The following FOXJ2 variants were observed in gnomAD, a reference collection of about 807,000 sequenced individuals.
FOXJ2 encodes the protein forkhead box protein J2.
A neutral mutation model predicts 68.4 loss-of-function variants in FOXJ2; 18 were observed. The ratio of observed to expected loss-of-function variants is 0.26; its 90% confidence interval spans 0.18 to 0.39. The LOEUF is 0.39. Ranked by LOEUF, FOXJ2 falls within the 10% of genes least tolerant of loss-of-function variation. The pLI is 1.00. For missense variants in FOXJ2, 670 were observed against 726.5 expected, an observed-to-expected ratio of 0.92 and a Z score of 0.89; for synonymous variants, 274 against 263.2, an observed-to-expected ratio of 1.04 and a Z score of -0.40.
chr12:8,033,370 G>A lies in FOXJ2; in HGVS notation c.-478G>A, dbSNP rs917685140. The A allele has an allele frequency of 6.5e-6, 1 of 153,316 alleles. No homozygotes were observed. Among genetic ancestry groups the A allele is most frequent in the Non-Finnish European group, 1.5e-5 (1 of 68,576 alleles). 9.5% of individuals were successfully genotyped at this position (153,316 alleles called of 1,614,324 possible). On this transcript the variant is annotated 5_prime_UTR_variant, in exon 1 of 11. Transcript: ENST00000162391. ...CCACTCCAGGGAAAGAAGAGGAATCGGCTTTCAGCCTTCTGGAGAGGGGAA... is the reference window on the plus strand; with the variant it reads ...CCACTCCAGGGAAAGAAGAGGAATCAGCTTTCAGCCTTCTGGAGAGGGGAA...
rs150014429 is a variant in FOXJ2, at chr12:8,048,192, C to A, written c.1128C>A (p.His376Gln). ...CCCCGCTGCAGCATGGAGGCTACCA[C>A]CCTCATCAGCACCATCCCCACTCCC... is the stretch of plus-strand genomic sequence containing the variant. ...HPPPLQHGGY[H>Q]PHQHHPHSHP... Residue 376 changes from histidine to glutamine, a missense_variant, in exon 7 of 11, where the codon CAC becomes CAA. This residue lies in a region of FOXJ2 where 555 missense variants were observed against 562.2 expected (regional missense o/e 0.99). Coordinates refer to ENST00000162391, the MANE Select transcript of FOXJ2 (RefSeq NM_018416.3). The A allele has an allele frequency of 1.2e-6, 2 of 1,613,588 alleles. No individual in the cohort carries two copies. The highest frequency in any genetic ancestry group is 1.3e-5 in the African/African-American group (1 of 74,938).
intron 10 of FOXJ2, among the ~76,000 whole-genome samples, chr12:8,051,192 C>T (rs900704988): frequency 2.7e-5 from 4 of 145,560 alleles, no homozygotes; most frequent in Non-Finnish European, 4.5e-5. Context: ...TACAGTGGTG[C>T]GATCTCAGCT....
intron 10 of FOXJ2, among the ~76,000 whole-genome samples, chr12:8,051,723 A>G (rs951329267): frequency 6.6e-6 from 1 of 152,176 alleles, no homozygotes; most frequent in African/African-American, 2.4e-5. Flanking sequence ...GGTCCTTCAC[A>G]TTTAGACACA....
chr12:8,035,790 A>G lies in FOXJ2; in HGVS notation c.-15+1957A>G, dbSNP rs1946887375. Among the ~76,000 whole-genome samples, 1 of 152,120 alleles carries G rather than the reference A, an allele frequency of 6.6e-6. No individual in the cohort carries two copies. Among genetic ancestry groups the G allele is most frequent in the African/African-American group, 2.4e-5 (1 of 41,410 alleles). Reference sequence around the variant, plus strand: ...TTTAGAGAGTGTGCTTTCCCAGACCATGTCTTATGACTACACCTAGTTCCC... The same window carrying G: ...TTTAGAGAGTGTGCTTTCCCAGACCGTGTCTTATGACTACACCTAGTTCCC... On this transcript the variant is annotated intron_variant, in intron 1 of 10. Coordinates refer to ENST00000162391, the MANE Select transcript of FOXJ2 (RefSeq NM_018416.3). This position sits in a 1 kb window ranked among gnomAD's most constrained non-coding sequence, Gnocchi z 4.0.
At position 8,039,311 on chromosome 12, in the gene FOXJ2, T is replaced by A. The variant is rs144186603; in HGVS notation, c.-14-508T>A. Among the ~76,000 whole-genome samples the A allele has an allele frequency of 1.6e-4, 24 of 152,282 alleles. No individual in the cohort carries two copies. In the East Asian group the frequency reaches 4.4e-3, roughly 28 times the overall value. On this transcript the variant is annotated intron_variant, in intron 1 of 10. Coordinates refer to ENST00000162391, the MANE Select transcript of FOXJ2 (RefSeq NM_018416.3). Reference sequence around the variant, plus strand: ...TAATGCATCTAGTAGGAAACATCTTTAGACGTGTTGGTGTGTGCTTCATCC... The same window carrying A: ...TAATGCATCTAGTAGGAAACATCTTAAGACGTGTTGGTGTGTGCTTCATCC...
At chr12:8,047,235 C>T (rs966899596) in intron 6 of FOXJ2, among the ~76,000 whole-genome samples, 1 of 152,074 alleles carries the variant, frequency 6.6e-6, no homozygotes, top group Non-Finnish European at 1.5e-5. Context: ...GGCGGATCAC[C>T]TGAAGTCAGG....
chr12:8,049,260 T>G, intron 8 of FOXJ2, 102 bp from the exon 9 acceptor site: 1 of 830,172 alleles, frequency 1.2e-6, no homozygotes, highest in Non-Finnish European at 2.0e-6. Context: ...CCGTTATCAG[T>G]GGGGGTGATT....
chr12:8,035,817 C>T lies in FOXJ2; in HGVS notation c.-15+1984C>T, dbSNP rs915759188. On this transcript the variant is annotated intron_variant, in intron 1 of 10. Coordinates refer to ENST00000162391, the MANE Select transcript of FOXJ2 (RefSeq NM_018416.3). This position sits in a 1 kb window ranked among gnomAD's most constrained non-coding sequence, Gnocchi z 4.0. ...GTCTTATGACTACACCTAGTTCCCC[C>T]GGGAAGATAAGAGATGATAGTTCCT... 5.3e-5 allele frequency among the ~76,000 whole-genome samples: 8 copies of T among 152,244 alleles called. No homozygotes were observed. The highest frequency in any genetic ancestry group is 1.3e-4 in the Admixed American group (2 of 15,298).
intron 10 of FOXJ2, among the ~76,000 whole-genome samples, chr12:8,052,225 A>ATT (rs111837642): frequency 9.0e-5 from 12 of 133,832 alleles, no homozygotes; most frequent in Non-Finnish European, 1.1e-4. Flanking sequence ...CAGAAGTACA[A>ATT]TTTTTTTTTT....
Position 8,048,160 on chromosome 12 carries a change from C to A in FOXJ2, c.1096C>A (p.His366Asn). Residue 366 changes from histidine (H) to asparagine (N), a missense_variant, in exon 7 of 11, where the codon CAT (histidine) becomes AAT (asparagine). Around this residue, in one of 2 missense-constraint regions of FOXJ2, gnomAD observed 555 missense variants for 562.2 expected, o/e 0.99. Transcript: ENST00000162391. ...TGGGCCTCCCCCTGTAATGGCCATG[C>A]ATCCACCCCCGCTGCAGCATGGAGG... The part of the protein sequence containing the change: ...GYGPPPVMAM[H>N]PPPLQHGGYH... The A allele has an allele frequency of 6.2e-7, 1 of 1,613,948 alleles. No homozygotes were observed.
Position 8,043,974 on chromosome 12 carries a change from G to A in FOXJ2, c.501G>A (p.Gln167=). 6.4e-7 allele frequency: 1 copy of A among 1,566,368 alleles called. No individual in the cohort carries two copies. ...DDDLSQDSPE[Q]EASKSPRGGV... ...AGCTGTCCCAAGACTCACCAGAACAGGAGGCAAGCAAGAGCCCACGGGGAG... is the reference window on the plus strand; with the variant it reads ...AGCTGTCCCAAGACTCACCAGAACAAGAGGCAAGCAAGAGCCCACGGGGAG... Residue 167 remains glutamine, a synonymous_variant, in exon 5 of 11, where the codon CAG becomes CAA. Coordinates refer to ENST00000162391, the MANE Select transcript of FOXJ2 (RefSeq NM_018416.3).
chr12:8,044,432 G>T lies in FOXJ2; in HGVS notation c.619-328G>T, dbSNP rs118060287. On this transcript the variant is annotated intron_variant, in intron 5 of 10. Transcript: ENST00000162391. ...TCTACAAAAATACAAAATTAGCTGG[G>T]CGTGGTGGCATGTGCCTATAGTTCC... Among the ~76,000 whole-genome samples the T allele has an allele frequency of 3.3e-3, 499 of 152,268 alleles. 2 individuals carry two copies. Among genetic ancestry groups the T allele is most frequent in the Non-Finnish European group, 6.4e-3 (433 of 68,012 alleles).
chr12:8,040,792 G>A lies in FOXJ2; in HGVS notation c.333+627G>A, dbSNP rs967170327. 8.5e-5 allele frequency among the ~76,000 whole-genome samples: 13 copies of A among 152,072 alleles called. No individual in the cohort carries two copies. The highest frequency in any genetic ancestry group is 8.5e-4 in the Admixed American group (13 of 15,260). ...TCACAAATGTTTATTGCCATTCTAC[G>A]ATGTTCCAGTCACTGTGCAAGGCAT... is the stretch of plus-strand genomic sequence containing the variant. On this transcript the variant is annotated intron_variant, in intron 2 of 10. Transcript: ENST00000162391. This position sits in a 1 kb window ranked among gnomAD's most constrained non-coding sequence, Gnocchi z 4.0.
chr12:8,032,815 T>A lies in FOXJ2; in HGVS notation c.-1033T>A, dbSNP rs1326882345. ...CCCAGACTGGTCGGAGCCCGAGCGGTGGCAGCGCGGGGAGCCCCACGCGCC... is the reference window on the plus strand; with the variant it reads ...CCCAGACTGGTCGGAGCCCGAGCGGAGGCAGCGCGGGGAGCCCCACGCGCC... On this transcript the variant is annotated 5_prime_UTR_variant, in exon 1 of 11. Transcript: ENST00000162391. The surrounding 1 kb of genome is among the most constrained non-coding windows in gnomAD (Gnocchi z 4.8). 1.0e-5 allele frequency: 4 copies of A among 397,818 alleles called. No homozygotes were observed. Among genetic ancestry groups the A allele is most frequent in the Non-Finnish European group, 1.3e-5 (3 of 225,756 alleles). The allele number at this position is 397,818 out of a possible 1,614,324, so 24.6% of individuals were successfully genotyped here.
Position 8,052,939 on chromosome 12 carries a change from G to A in FOXJ2, c.*89G>A, listed in dbSNP as rs1441847401. The A allele has an allele frequency of 8.3e-5, 79 of 952,358 alleles. No individual in the cohort carries two copies. The highest frequency in any genetic ancestry group is 3.8e-4 in the South Asian group (27 of 71,322). The allele number at this position is 952,358 out of a possible 1,614,324, so 59.0% of individuals were successfully genotyped here. ...CAACCCCAGCCCGTCCCTTCCCCCCGTCTGTATATAGACATATATCCTCTT... is the reference window on the plus strand; with the variant it reads ...CAACCCCAGCCCGTCCCTTCCCCCCATCTGTATATAGACATATATCCTCTT... On this transcript the variant is annotated 3_prime_UTR_variant, in exon 11 of 11. Coordinates refer to ENST00000162391, the MANE Select transcript of FOXJ2 (RefSeq NM_018416.3).
intron 6 of FOXJ2, 136 bp from the exon 7 acceptor site, chr12:8,047,746 T>G: frequency 8.3e-7 from 1 of 1,199,800 alleles, no homozygotes; most frequent in Admixed American, 2.3e-5. Context: ...CACAGGGATC[T>G]TTGCTGCCCT....
intron 6 of FOXJ2, among the ~76,000 whole-genome samples, chr12:8,045,231 T>C (rs1947020518): frequency 6.6e-6 from 1 of 150,860 alleles, no homozygotes; most frequent in South Asian, 2.1e-4. Flanking sequence ...TTTTTTTTTT[T>C]TTTTGAGATG....
Position 8,047,941 on chromosome 12 carries a change from C to T in FOXJ2, c.877C>T (p.Gln293Ter). The T allele has an allele frequency of 6.2e-7, 1 of 1,612,908 alleles. No homozygotes were observed. Among genetic ancestry groups the T allele is most frequent in the Non-Finnish European group, 8.5e-7 (1 of 1,179,310 alleles). The part of the protein sequence containing the change: ...PSNNYYMYQQ[Q>*]QPPPPQQQQQ... ...GAACAACTACTACATGTATCAGCAG[C>T]AGCAGCCACCGCCACCTCAACAGCA... The change falls in exon 7 of 11, where the codon CAG (glutamine) becomes TAG (stop). Residue 293 changes from glutamine (Q) to a stop codon, truncating the protein, a stop_gained. Transcript: ENST00000162391. LOFTEE classifies it high-confidence loss of function.
chr12:8,050,826 C>T (rs772172590), intron 10 of FOXJ2, among the ~76,000 whole-genome samples: 7 of 141,764 alleles, frequency 4.9e-5, no homozygotes, highest in Admixed American at 4.9e-4. Context: ...CCCTCCCCTC[C>T]CTTCCCCTCC....
Sources: gnomAD v4.1 joint callset for allele counts (sites outside exome capture counted in the v4.1 genomes callset) on GRCh38, gnomAD v4.1.1 for gene constraint, gnomAD v4.1.1 regional missense constraint, Gnocchi (gnomAD v3.1) non-coding constraint, MANE v1.5 for transcripts, NCBI Gene and HGNC (gene_info 2026-07-23, HGNC 2026-07-21) for gene names.